WNK2: variants seen among roughly 807,000 people sequenced by gnomAD.
WNK2 encodes the protein WNK lysine deficient protein kinase 2.
In WNK2, 67 loss-of-function variants were observed where a neutral mutation model predicts 192.1. The observed-to-expected ratio is 0.35, with a 90% confidence interval of 0.29 to 0.43. WNK2 has a LOEUF of 0.43. Ranked by LOEUF, WNK2 falls within the 20% of genes least tolerant of loss-of-function variation. WNK2 has a pLI of 1.00. For synonymous variants in WNK2, 1,439 were observed against 1,393.9 expected (o/e 1.03, Z -0.72); for missense variants, 2,698 against 3,089.7 (o/e 0.87, Z 3.01).
chr9:93,276,896 C>T (rs549573508), intron 19 of WNK2, among the ~76,000 whole-genome samples: 2 of 152,148 alleles, frequency 1.3e-5, no homozygotes, highest in East Asian at 3.9e-4. Context: ...ATTAGCCGGC[C>T]GTGGTGGCGG....
chr9:93,306,644 CCTCT>C (rs1373586122), intron 26 of WNK2, 129 bp from the exon 27 acceptor site: 66 of 1,182,958 alleles, frequency 5.6e-5, no homozygotes, highest in Non-Finnish European at 7.8e-5. Context: ...CCGGGTCGGC[CCTCT>C]CTCTGAACTG....
At chr9:93,302,898 A>G (rs1243027427) in intron 26 of WNK2, among the ~76,000 whole-genome samples, 1 of 150,078 alleles carries the variant, frequency 6.7e-6, no homozygotes, top group African/African-American at 2.4e-5. Context: ...GGGAGCTCAC[A>G]TGACCCAGTG....
rs145802900 is a variant in WNK2 at position 93,237,455 on chromosome 9, G to A, written c.1234-778G>A. On this transcript the variant is annotated intron_variant, in intron 5 of 29. Coordinates refer to ENST00000427277, the MANE Select transcript of WNK2 (RefSeq NM_006648.4). Reference sequence around the variant, plus strand: ...TCTGCTGTCAGTCTGCTGCGGTGAAGTGTTCGATTCAGATGGGCTTTTCAT... The same window carrying A: ...TCTGCTGTCAGTCTGCTGCGGTGAAATGTTCGATTCAGATGGGCTTTTCAT... Among the ~76,000 whole-genome samples the A allele has an allele frequency of 3.3e-5, 5 of 152,306 alleles. No individual in the cohort carries two copies. The East Asian group carries it at 9.6e-4, about 29-fold the overall frequency.
chr9:93,230,784 G>A (rs1838655105), intron 3 of WNK2, 104 bp from the exon 4 acceptor site: 18 of 1,047,204 alleles, frequency 1.7e-5, no homozygotes, highest in Admixed American at 4.5e-5. Flanking sequence ...CCGTGTGCAC[G>A]GGAATGGACT....
At chr9:93,218,282 G>A (rs1587970868) in intron 2 of WNK2, among the ~76,000 whole-genome samples, 1 of 152,312 alleles carries the variant, frequency 6.6e-6, no homozygotes, top group East Asian at 1.9e-4. Flanking sequence ...TCTTGATGGT[G>A]GAGCTGCTAA....
At chr9:93,198,021 G>A (rs1305044294) in intron 2 of WNK2, among the ~76,000 whole-genome samples, 4 of 152,180 alleles carry the variant, frequency 2.6e-5, no homozygotes, top group Non-Finnish European at 4.4e-5. Flanking sequence ...AGAGGGAGGT[G>A]CTGTGATTCC....
rs1032008824 is a variant in WNK2, at chr9:93,257,294, G to A, written c.2382+155G>A. ...GAGTTGGGGCTGGGCTGGGGAGTCC[G>A]GGCTGGGCAGTGTGCACAGTCATAT... is the stretch of plus-strand genomic sequence containing the variant. On this transcript the variant is annotated intron_variant, in intron 11 of 29. Coordinates refer to ENST00000427277, the MANE Select transcript of WNK2 (RefSeq NM_006648.4). The surrounding 1 kb of genome is among the most constrained non-coding windows in gnomAD (Gnocchi z 4.7). Among the ~76,000 whole-genome samples, 6 of 152,142 alleles carry A rather than the reference G, an allele frequency of 3.9e-5. No homozygotes were observed. The highest frequency in any genetic ancestry group is 8.8e-5 in the Non-Finnish European group (6 of 68,016).
intron 2 of WNK2, among the ~76,000 whole-genome samples, chr9:93,207,741 A>C (rs947275390): frequency 6.6e-6 from 1 of 152,240 alleles, no homozygotes; most frequent in Non-Finnish European, 1.5e-5. Context: ...TGCCTGCAAC[A>C]GGGAGGCTCG....
intron 2 of WNK2, among the ~76,000 whole-genome samples, chr9:93,227,391 G>A (rs1838007241): frequency 6.6e-6 from 1 of 152,134 alleles, no homozygotes; most frequent in Admixed American, 6.5e-5. Flanking sequence ...GGGATTACAG[G>A]TGTGAGCCAC....
rs781750583 is a variant in WNK2, at chr9:93,299,224, C to G, written c.6078C>G (p.Ser2026=). 3 of 1,585,386 alleles carry G rather than the reference C, an allele frequency of 1.9e-6. No individual in the cohort carries two copies. In the East Asian group the frequency reaches 6.8e-5, roughly 36 times the overall value. The change falls in exon 25 of 30, where the codon TCC becomes TCG. Residue 2026 remains serine (S), a synonymous_variant. Transcript: ENST00000427277. Reference sequence around the variant, plus strand: ...CCTCCCTGTCTTCGGACATCTGCTCCGGCTTAGCCAGTGATGGAGGCGGAG... The same window carrying G: ...CCTCCCTGTCTTCGGACATCTGCTCGGGCTTAGCCAGTGATGGAGGCGGAG... ...VRASLSSDIC[S]GLASDGGGAR...
At position 93,247,758 on chromosome 9, in the gene WNK2, A is replaced by C; in HGVS notation, c.1758A>C (p.Pro586=). 1 of 1,552,720 alleles carries C rather than the reference A, an allele frequency of 6.4e-7. No individual in the cohort carries two copies. The highest frequency in any genetic ancestry group is 8.7e-7 in the Non-Finnish European group (1 of 1,149,620). The change falls in exon 8 of 30, where the codon CCA becomes CCC. Residue 586 remains proline (P), a synonymous_variant. Transcript: ENST00000427277. This position sits in a 1 kb window ranked among gnomAD's most constrained non-coding sequence, Gnocchi z 5.2. The stretch of plus-strand genomic sequence containing the variant: ...ATGCACAGGCTGGGCAGCCCGGGCC[A>C]CCAGAGCCCGAGGAGCCGGAGGCCG... ...TYHAQAGQPG[P]PEPEEPEADQ...
chr9:93,256,434 C>A lies in WNK2; in HGVS notation c.2170C>A (p.Pro724Thr). The A allele has an allele frequency of 6.5e-7, 1 of 1,531,502 alleles. No individual in the cohort carries two copies. Among genetic ancestry groups the A allele is most frequent in the Admixed American group, 2.0e-5 (1 of 50,660 alleles). The allele number at this position is 1,531,502 out of a possible 1,614,324, so 94.9% of individuals were successfully genotyped here. Residue 724 changes from proline to threonine, a missense_variant, in exon 10 of 30, where the codon CCA becomes ACA. Coordinates refer to ENST00000427277, the MANE Select transcript of WNK2 (RefSeq NM_006648.4). ...STPMPTGPGQ[P>T]APPGQQPPPL... is the part of the protein sequence containing the mutation. The stretch of plus-strand genomic sequence containing the variant: ...CCCCATGCCCACGGGCCCAGGCCAG[C>A]CAGCACCCCCCGGCCAGCAGGTGAG...
chr9:93,288,495 C>T (rs995749729), intron 19 of WNK2, among the ~76,000 whole-genome samples: 1 of 152,214 alleles, frequency 6.6e-6, no homozygotes, highest in Non-Finnish European at 1.5e-5. Context: ...TCACACGCTA[C>T]AGAAGACACA....
intron 15 of WNK2, 53 bp from the exon 16 acceptor site, chr9:93,263,864 G>A (rs1844741186): frequency 5.5e-6 from 8 of 1,464,258 alleles, no homozygotes; most frequent in Non-Finnish European, 6.4e-6. Flanking sequence ...TGGGGGTGTG[G>A]CGGGTGCACG....
chr9:93,318,556 G>A (rs200294546), intron 29 of WNK2: 589 of 1,613,998 alleles, frequency 3.6e-4, no homozygotes, highest in Middle Eastern at 6.7e-4. Flanking sequence ...GCTGCTGTGA[G>A]TGAGGATAAG....
chr9:93,302,450 C>A (rs767648918), intron 26 of WNK2, among the ~76,000 whole-genome samples: 15 of 152,140 alleles, frequency 9.9e-5, no homozygotes, highest in Non-Finnish European at 1.8e-4. Flanking sequence ...GCCAGCCCAG[C>A]CTTTGCTCCC....
At chr9:93,230,003 G>T (rs1165039822) in intron 3 of WNK2, 135 bp downstream of exon 3, 2 of 1,100,894 alleles carry the variant, frequency 1.8e-6, no homozygotes, top group Non-Finnish European at 2.5e-6. Context: ...TTCCTCTCCT[G>T]CATGGGATGC....
intron 8 of WNK2, among the ~76,000 whole-genome samples, chr9:93,248,698 G>C (rs553654036): frequency 3.3e-5 from 5 of 152,316 alleles, no homozygotes; most frequent in Admixed American, 2.0e-4. Context: ...AATCACTTTG[G>C]ATCAGGTTTC....
chr9:93,263,458 A>G, intron 14 of WNK2, 108 bp from the exon 15 acceptor site: 5 of 1,417,072 alleles, frequency 3.5e-6, no homozygotes, highest in Non-Finnish European at 4.8e-6. Flanking sequence ...TAGGTCACAG[A>G]TTTGGGCCCT....
Sources: gnomAD v4.1 joint callset for allele counts (sites outside exome capture counted in the v4.1 genomes callset) on GRCh38, gnomAD v4.1.1 for gene constraint, Gnocchi (gnomAD v3.1) non-coding constraint, MANE v1.5 for transcripts, NCBI Gene and HGNC (gene_info 2026-07-23, HGNC 2026-07-21) for gene names.